ARHGEF10L: variants seen among roughly 807,000 people sequenced by gnomAD.
ARHGEF10L encodes Rho guanine nucleotide exchange factor 10 like.
A neutral mutation model predicts 141.2 loss-of-function variants in ARHGEF10L; 69 were observed. The observed-to-expected ratio is 0.49, with a 90% CI of 0.40 to 0.60. ARHGEF10L has a LOEUF of 0.60. Ranked by LOEUF, ARHGEF10L falls within the 20% of genes least tolerant of loss-of-function variation. The pLI is 0.00. For missense variants in ARHGEF10L, 1,482 were observed against 1,734.3 expected (o/e 0.85, Z 2.58); for synonymous variants, 711 against 718.5 (o/e 0.99, Z 0.17).
the ARHGEF10L span, among the ~76,000 whole-genome samples, chr1:17,534,498 T>C: frequency 8.6e-5 from 13 of 151,568 alleles, no homozygotes; most frequent in African/African-American, 3.1e-4. Context: ...TGACCTCAAG[T>C]GATCCACCCA....
intron 21 of ARHGEF10L, among the ~76,000 whole-genome samples, chr1:17,643,515 T>C (rs1448933736): frequency 6.6e-6 from 1 of 152,208 alleles, no homozygotes; most frequent in Non-Finnish European, 1.5e-5. Context: ...AGGGCCCTGT[T>C]GCATTCTTTG....
intron 17 of ARHGEF10L, 79 bp downstream of exon 17, chr1:17,634,641 G>T (rs2060894453): frequency 6.4e-7 from 1 of 1,573,264 alleles, no homozygotes; most frequent in South Asian, 1.2e-5. Flanking sequence ...TGGATATGGG[G>T]CTGGGGCCTG....
intron 8 of ARHGEF10L, among the ~76,000 whole-genome samples, chr1:17,614,855 T>A (rs1276047810): frequency 6.6e-6 from 1 of 152,092 alleles, no homozygotes; most frequent in Non-Finnish European, 1.5e-5. Flanking sequence ...ACCTGGTGGC[T>A]TTTCAGCAAC....
At position 17,615,328 on chromosome 1, in the gene ARHGEF10L, G is replaced by A. The variant is rs1174882771; in HGVS notation, c.727-766G>A. 5 of 152,232 alleles carry A rather than the reference G, an allele frequency of 3.3e-5. No homozygotes were observed. Among genetic ancestry groups the A allele is most frequent in the African/African-American group, 7.2e-5 (3 of 41,438 alleles). 9.4% of individuals were successfully genotyped at this position (152,232 alleles called of 1,614,324 possible). On this transcript the variant is annotated intron_variant, in intron 8 of 28. Coordinates refer to ENST00000361221, the MANE Select transcript of ARHGEF10L (RefSeq NM_018125.4). This position sits in a 1 kb window ranked among gnomAD's most constrained non-coding sequence, Gnocchi z 4.7. Reference sequence around the variant, plus strand: ...CAGGCCTGGGTTCCCCCAGCACCTCGGATGCCCACTTCCCTCTTCTGGGCA... The same window carrying A: ...CAGGCCTGGGTTCCCCCAGCACCTCAGATGCCCACTTCCCTCTTCTGGGCA...
intron 14 of ARHGEF10L, among the ~76,000 whole-genome samples, 195 bp downstream of exon 14, chr1:17,626,243 G>A (rs189070350): frequency 1.1e-4 from 17 of 152,250 alleles, no homozygotes; most frequent in African/African-American, 3.1e-4. Flanking sequence ...CAGTTTGCAC[G>A]CCCCTCTGTG....
rs139309494 is a variant in ARHGEF10L, at chr1:17,563,295, C to T, written c.-43-17258C>T. ...CATTGCCCAGGGTGGAGCGCAGTGG[C>T]GCCATCTTGGCTCACTGCACCCTCG... is the stretch of plus-strand genomic sequence containing the variant. On this transcript the variant is annotated intron_variant, in intron 1 of 28. Transcript: ENST00000361221. Among the ~76,000 whole-genome samples, 1,320 of 150,964 alleles carry T rather than the reference C, an allele frequency of 8.7e-3. 2 individuals carry two copies. The highest frequency in any genetic ancestry group is 0.051 in the Middle Eastern group (15 of 294).
intron 26 of ARHGEF10L, among the ~76,000 whole-genome samples, chr1:17,671,645 G>A (rs1303983853): frequency 1.3e-5 from 2 of 152,242 alleles, no homozygotes; most frequent in African/African-American, 4.8e-5. Context: ...GCCTTGAGGG[G>A]CTGTGGTGGG....
chr1:17,603,195 G>C lies in ARHGEF10L; in HGVS notation c.350-313G>C, dbSNP rs1027053505. Among the ~76,000 whole-genome samples, 1 of 151,970 alleles carries C rather than the reference G, an allele frequency of 6.6e-6. No homozygotes were observed. The highest frequency in any genetic ancestry group is 1.5e-5 in the Non-Finnish European group (1 of 67,980). On this transcript the variant is annotated intron_variant, in intron 5 of 28. Coordinates refer to ENST00000361221, the MANE Select transcript of ARHGEF10L (RefSeq NM_018125.4). This position sits in a 1 kb window ranked among gnomAD's most constrained non-coding sequence, Gnocchi z 4.8. Reference sequence around the variant, plus strand: ...ATGCTAGGGCCAGGGCACAGGTGCTGGACTGCGTCATGCTCCCTGCAGGGG... The same window carrying C: ...ATGCTAGGGCCAGGGCACAGGTGCTCGACTGCGTCATGCTCCCTGCAGGGG...
intron 9 of ARHGEF10L, among the ~76,000 whole-genome samples, chr1:17,617,911 C>T (rs377073914): frequency 5.9e-5 from 9 of 152,284 alleles, no homozygotes; most frequent in African/African-American, 1.2e-4. Context: ...CCTGGCTCTG[C>T]GGCTTTCTGG....
intron 2 of ARHGEF10L, among the ~76,000 whole-genome samples, chr1:17,581,698 C>A (rs2078582865): frequency 6.6e-6 from 1 of 152,086 alleles, no homozygotes; most frequent in South Asian, 2.1e-4. Context: ...ACAATGATAC[C>A]CTCTCCTGGG....
intron 26 of ARHGEF10L, among the ~76,000 whole-genome samples, chr1:17,671,349 G>C (rs918583311): frequency 3.9e-5 from 6 of 152,216 alleles, no homozygotes; most frequent in Non-Finnish European, 8.8e-5. Flanking sequence ...AAGGGAGGGA[G>C]GAATTCGCAG....
chr1:17,531,493 C>T, the ARHGEF10L span, among the ~76,000 whole-genome samples: 1 of 152,282 alleles, frequency 6.6e-6, no homozygotes, highest in East Asian at 1.9e-4. Context: ...ATTTAAATCC[C>T]AGCTCTTTCA....
intron 1 of ARHGEF10L, among the ~76,000 whole-genome samples, chr1:17,543,150 C>T (rs2100624205): frequency 6.6e-6 from 1 of 152,326 alleles, no homozygotes; most frequent in South Asian, 2.1e-4. Flanking sequence ...TGATGACATT[C>T]CCAGGAGTGA....
chr1:17,634,501 C>A (rs749405843), intron 16 of ARHGEF10L, 47 bp from the exon 17 acceptor site: 1 of 1,614,176 alleles, frequency 6.2e-7, no homozygotes, highest in Non-Finnish European at 8.5e-7. Flanking sequence ...AGATTAGCCA[C>A]TCCATTGTAA....
intron 25 of ARHGEF10L, among the ~76,000 whole-genome samples, chr1:17,661,827 C>T (rs1422429129): frequency 6.6e-6 from 1 of 152,248 alleles, no homozygotes; most frequent in Non-Finnish European, 1.5e-5. Flanking sequence ...TGGCGGAGCC[C>T]TGGCCGCCTT....
rs924839035 is a variant in ARHGEF10L, at chr1:17,634,387, T to A, written c.1731-161T>A. The A allele has an allele frequency of 5.1e-6, 6 of 1,170,546 alleles. No homozygotes were observed. In the African/African-American group the frequency reaches 6.1e-5, roughly 12 times the overall value. The allele number at this position is 1,170,546 out of a possible 1,614,324, so 72.5% of individuals were successfully genotyped here. A position where few individuals can be genotyped will look rare whatever the true frequency, so the allele number is the denominator to read the frequency against. ...AGAGATGAAGGAAGGCCCGCTTCTGTCCACACCTGGCCTCTGATGCCCTCA... is the reference window on the plus strand; with the variant it reads ...AGAGATGAAGGAAGGCCCGCTTCTGACCACACCTGGCCTCTGATGCCCTCA... On this transcript the variant is annotated intron_variant, in intron 16 of 28. Coordinates refer to ENST00000361221, the MANE Select transcript of ARHGEF10L (RefSeq NM_018125.4).
chr1:17,682,626 GTGTAT>G (rs2064213548), intron 26 of ARHGEF10L, among the ~76,000 whole-genome samples: 1 of 152,198 alleles, frequency 6.6e-6, no homozygotes, highest in South Asian at 2.1e-4. Context: ...GGCTGCTCTA[GTGTAT>G]AAACCTAACA....
At chr1:17,594,444 G>A (rs150860233) in intron 4 of ARHGEF10L, among the ~76,000 whole-genome samples, 5 of 152,252 alleles carry the variant, frequency 3.3e-5, no homozygotes, top group Admixed American at 6.5e-5. Context: ...CATGACCCAG[G>A]ACATGCTCTT....
At chr1:17,635,633 T>G (rs1405113529) in intron 18 of ARHGEF10L, among the ~76,000 whole-genome samples, 2 of 152,214 alleles carry the variant, frequency 1.3e-5, no homozygotes, top group African/African-American at 4.8e-5. Flanking sequence ...GAGAAGCCTT[T>G]TCTTATGCCC....
Sources: allele counts gnomAD v4.1 joint callset (sites outside exome capture counted in the v4.1 genomes callset), GRCh38; gene constraint gnomAD v4.1.1; non-coding constraint Gnocchi (gnomAD v3.1); transcripts MANE v1.5; gene names NCBI Gene and HGNC (gene_info 2026-07-23, HGNC 2026-07-21).